RAC1: variants seen among roughly 807,000 people sequenced by gnomAD.
RAC1 encodes the protein Rac family small GTPase 1.
Under a neutral mutation model 25.2 loss-of-function variants are expected in RAC1, and 2 were observed. The observed-to-expected ratio is 0.08, with a 90% CI of 0.03 to 0.25. RAC1 has a LOEUF of 0.25. Among genes scored for constraint, RAC1 ranks in the 10% least tolerant of loss-of-function variants. The probability of loss-of-function intolerance (pLI) is 1.00; values close to 1 mark genes in which losing one functional copy is unlikely to be tolerated. For synonymous variants in RAC1, 88 were observed against 94.0 expected (o/e 0.94, Z 0.37); for missense variants, 50 against 235.7 (o/e 0.21, Z 5.16).
At chr7:6,402,245 C>T in intron 5 of RAC1, 71 bp from the exon 6 acceptor site, 2 of 1,529,862 alleles carry the variant, frequency 1.3e-6, no homozygotes, top group Admixed American at 2.1e-5. Flanking sequence ...CAGGAGCTGC[C>T]TCCCGCTGGT....
intron 1 of RAC1, among the ~76,000 whole-genome samples, chr7:6,382,053 A>G (rs564020858): frequency 6.6e-6 from 1 of 151,990 alleles, no homozygotes; most frequent in East Asian, 1.9e-4. Flanking sequence ...GAGTGCAGTG[A>G]TGCGATCTCA....
intron 2 of RAC1, among the ~76,000 whole-genome samples, chr7:6,387,713 G>A (rs762311677): frequency 3.8e-4 from 57 of 149,680 alleles, no homozygotes; most frequent in Non-Finnish European, 6.2e-4. Context: ...CAATGAGAGC[G>A]AAACTCCATC....
chr7:6,378,411 T>C (rs531987937), intron 1 of RAC1, among the ~76,000 whole-genome samples: 82 of 151,680 alleles, frequency 5.4e-4, no homozygotes, highest in Non-Finnish European at 1.1e-3. Context: ...CCGGGCGTGG[T>C]GGTGGGCGCC....
intron 2 of RAC1, among the ~76,000 whole-genome samples, chr7:6,390,860 T>C (rs368335974): frequency 6.6e-6 from 1 of 152,140 alleles, no homozygotes; most frequent in Non-Finnish European, 1.5e-5. Context: ...TATGGAAATA[T>C]AATTAACATG....
chr7:6,381,639 C>T (rs987896444), intron 1 of RAC1, among the ~76,000 whole-genome samples: 1 of 152,170 alleles, frequency 6.6e-6, no homozygotes, highest in Non-Finnish European at 1.5e-5. Flanking sequence ...AGACAGTCCG[C>T]CCACCTTGCC....
rs34310748 is a variant in RAC1 at position 6,386,349 on chromosome 7, C to T, written c.36-863C>T. On this transcript the variant is annotated intron_variant, in intron 1 of 5. Coordinates refer to ENST00000348035, the MANE Select transcript of RAC1 (RefSeq NM_006908.5). ...CGTGTGGTAGTTTATTGACTAAGCA[C>T]TTTCTCTCAAGAGAACAGTCATTGC... Among the ~76,000 whole-genome samples the T allele has an allele frequency of 9.9e-3, 1,504 of 152,230 alleles. 20 individuals carry two copies. Among genetic ancestry groups the T allele is most frequent in the African/African-American group, 0.035 (1,440 of 41,512 alleles).
intron 1 of RAC1, among the ~76,000 whole-genome samples, chr7:6,386,353 C>G (rs1742691912): frequency 6.6e-6 from 1 of 152,144 alleles, no homozygotes; most frequent in African/African-American, 2.4e-5. Context: ...TAAGCACTTT[C>G]TCTCAAGAGA....
intron 2 of RAC1, among the ~76,000 whole-genome samples, chr7:6,387,527 C>T (rs1782956919): frequency 6.6e-6 from 1 of 152,002 alleles, no homozygotes. Context: ...AGTTCGAGAC[C>T]AGCATGGTCA....
At chr7:6,392,447 T>G (rs1347437275) in intron 3 of RAC1, among the ~76,000 whole-genome samples, 1 of 152,260 alleles carries the variant, frequency 6.6e-6, no homozygotes, top group Non-Finnish European at 1.5e-5. Flanking sequence ...CTCACAGGTT[T>G]AATACATTTT....
intron 1 of RAC1, among the ~76,000 whole-genome samples, chr7:6,383,302 T>C (rs1782825338): frequency 6.6e-6 from 1 of 152,242 alleles, no homozygotes; most frequent in South Asian, 2.1e-4. Flanking sequence ...GGAATGAATA[T>C]ACACTAATAG....
At chr7:6,398,359 G>C (rs1266576718) in intron 3 of RAC1, among the ~76,000 whole-genome samples, 2 of 152,222 alleles carry the variant, frequency 1.3e-5, no homozygotes, top group Admixed American at 6.5e-5. Flanking sequence ...ATCTCCGGCT[G>C]TGCCAGCTGT....
In RAC1 at chr7:6,387,330, A is replaced by G. The variant is rs778837627; in HGVS notation, c.107+47A>G. The stretch of plus-strand genomic sequence containing the variant: ...TTAACCTGTTTGTGTTACGGGTTTC[A>G]CATTTCTTTGACCATTTGTTTTGCT... On this transcript the variant is annotated intron_variant, in intron 2 of 5. Transcript: ENST00000348035. The G allele has an allele frequency of 8.4e-6, 11 of 1,315,090 alleles. No individual in the cohort carries two copies. The South Asian group carries it at 1.3e-4, about 15-fold the overall frequency. The allele number at this position is 1,315,090 out of a possible 1,614,324, so 81.5% of individuals were successfully genotyped here. A position where few individuals can be genotyped will look rare whatever the true frequency, so the allele number is the denominator to read the frequency against.
chr7:6,398,777 T>A, intron 3 of RAC1: 1 of 1,515,960 alleles, frequency 6.6e-7, no homozygotes, highest in Non-Finnish European at 9.1e-7. Context: ...TCATTTCACT[T>A]CGTTTTCCTA....
chr7:6,394,494 T>C (rs192021340), intron 3 of RAC1, among the ~76,000 whole-genome samples: 7 of 152,030 alleles, frequency 4.6e-5, no homozygotes, highest in South Asian at 2.1e-4. Flanking sequence ...TGTACCAGCA[T>C]TGGTGGTGTG....
intron 1 of RAC1, among the ~76,000 whole-genome samples, chr7:6,382,297 A>G (rs1782790384): frequency 1.3e-5 from 2 of 152,038 alleles, no homozygotes; most frequent in Admixed American, 6.6e-5. Context: ...GCCAAGATCT[A>G]CTCACTTTTA....
chr7:6,383,896 G>A (rs577360993), intron 1 of RAC1, among the ~76,000 whole-genome samples: 95 of 138,364 alleles, frequency 6.9e-4, no homozygotes, highest in South Asian at 1.2e-3. Context: ...TCCGCCTCCC[G>A]GGTTCAAGCG....
At chr7:6,378,298 C>T (rs1040054329) in intron 1 of RAC1, among the ~76,000 whole-genome samples, 1 of 151,870 alleles carries the variant, frequency 6.6e-6, no homozygotes, top group East Asian at 1.9e-4. Context: ...GTAATCTCAG[C>T]ACTTTGGGAG....
chr7:6,390,096 C>CTTTTTTTTTTTTTTTTTTTTT (rs34547258), intron 2 of RAC1, among the ~76,000 whole-genome samples: 1 of 74,916 alleles, frequency 1.3e-5, no homozygotes, highest in Non-Finnish European at 2.2e-5. Flanking sequence ...CCCTCCCTCC[C>CTTTTTTTTTTTTTTTTTTTTT]TTTTTTTTTT....
chr7:6,402,526 A>AAAAAAAAAAAAAAAC lies in RAC1; in HGVS notation c.*91_*92insAAACAAAAAAAAAAA, dbSNP rs1562471619. The AAAAAAAAAAAAAAAC allele has an allele frequency of 1.3e-5, 9 of 703,928 alleles. No individual in the cohort carries two copies. The highest frequency in any genetic ancestry group is 6.8e-5 in the Admixed American group (1 of 14,666). 43.6% of individuals were successfully genotyped at this position (703,928 alleles called of 1,614,324 possible). On this transcript the variant is annotated 3_prime_UTR_variant, in exon 6 of 6. Coordinates refer to ENST00000348035, the MANE Select transcript of RAC1 (RefSeq NM_006908.5). ...TCAAAAAAAAACAAAAAAAAAAAAC[A>AAAAAAAAAAAAAAAC]AAAAAAAAAAACAACGGTGGAGCCT...
Sources: gnomAD v4.1 joint callset for allele counts (sites outside exome capture counted in the v4.1 genomes callset) on GRCh38, gnomAD v4.1.1 for gene constraint, MANE v1.5 for transcripts, NCBI Gene and HGNC (gene_info 2026-07-23, HGNC 2026-07-21) for gene names.